The following PRKACB variants were observed in gnomAD, a reference collection of about 807,000 sequenced individuals.
PRKACB encodes the protein protein kinase cAMP-activated catalytic subunit beta, also known as cAMP-dependent protein kinase catalytic subunit beta.
In PRKACB, 16 loss-of-function variants were observed where a neutral mutation model predicts 51.4. The ratio of observed to expected loss-of-function variants is 0.31; its 90% confidence interval spans 0.21 to 0.47. The LOEUF is 0.47. PRKACB is among the 20% of genes least tolerant of loss of function. The pLI, the probability that PRKACB is intolerant of heterozygous loss-of-function variation, is 1.00. For missense variants in PRKACB, 309 were observed against 464.5 expected (o/e 0.67, Z 3.08); for synonymous variants, 147 against 154.4 (o/e 0.95, Z 0.35).
chr1:84,085,215 A>T (rs1022269360), intron 1 of PRKACB, among the ~76,000 whole-genome samples: 1 of 152,228 alleles, frequency 6.6e-6, no homozygotes, highest in Non-Finnish European at 1.5e-5. Context: ...TGGAAAGAAC[A>T]TGTAAAATAT....
chr1:84,172,472 C>G (rs1378035676), intron 1 of PRKACB, among the ~76,000 whole-genome samples: 1 of 151,468 alleles, frequency 6.6e-6, no homozygotes, highest in Non-Finnish European at 1.5e-5. Flanking sequence ...GCATGGATGG[C>G]CTACAAAATC....
chr1:84,099,771 A>G (rs1649192125), intron 1 of PRKACB, among the ~76,000 whole-genome samples: 1 of 151,806 alleles, frequency 6.6e-6, no homozygotes, highest in Admixed American at 6.6e-5. Flanking sequence ...TTTGCAAAAT[A>G]GAAATAGTTT....
chr1:84,205,306 A>G (rs1671170920), intron 8 of PRKACB: 3 of 963,102 alleles, frequency 3.1e-6, no homozygotes, highest in African/African-American at 3.5e-5. Flanking sequence ...AATTCAAACT[A>G]GAATGTGTCT....
intron 9 of PRKACB, among the ~76,000 whole-genome samples, chr1:84,230,253 C>T (rs1230370031): frequency 4.6e-5 from 7 of 150,774 alleles, no homozygotes; most frequent in Non-Finnish European, 8.9e-5. Context: ...AGATATGTGG[C>T]ATTATTTCTG....
chr1:84,236,218 T>G lies in PRKACB; in HGVS notation c.*913T>G, dbSNP rs180770222. On this transcript the variant is annotated 3_prime_UTR_variant, in exon 10 of 10. Transcript: ENST00000370685. ...ACAAATTTTAAATTTTCTCTAATAG[T>G]CCTCATCATAAACTTTTTAAAGGAA... is the stretch of plus-strand genomic sequence containing the variant. The G allele has an allele frequency of 2.0e-5, 3 of 152,744 alleles. No individual in the cohort carries two copies. Among genetic ancestry groups the G allele is most frequent in the East Asian group, 3.9e-4 (2 of 5,192 alleles). The allele number at this position is 152,744 out of a possible 1,614,324, so 9.5% of individuals were successfully genotyped here. A position where few individuals can be genotyped will look rare whatever the true frequency, so the allele number is the denominator to read the frequency against.
chr1:84,135,266 C>G (rs527915124), intron 1 of PRKACB, among the ~76,000 whole-genome samples: 2 of 152,206 alleles, frequency 1.3e-5, no homozygotes, highest in South Asian at 4.2e-4. Context: ...AACAAAGTAT[C>G]AAAATACTTG....
chr1:84,087,211 T>C (rs1351676717), intron 1 of PRKACB, among the ~76,000 whole-genome samples: 1 of 152,230 alleles, frequency 6.6e-6, no homozygotes, highest in Non-Finnish European at 1.5e-5. Context: ...GGAAGTCTAT[T>C]CTGTGTGAAT....
chr1:84,118,576 C>T (rs1343376726), intron 1 of PRKACB, among the ~76,000 whole-genome samples: 1 of 152,046 alleles, frequency 6.6e-6, no homozygotes, highest in Non-Finnish European at 1.5e-5. Flanking sequence ...AAACAGCCAT[C>T]ATTCTCTTTG....
chr1:84,080,839 A>T (rs777685009), intron 1 of PRKACB, among the ~76,000 whole-genome samples: 1 of 151,176 alleles, frequency 6.6e-6, no homozygotes, highest in Non-Finnish European at 1.5e-5. Context: ...CAGAGTAAGG[A>T]ATAGAGTCTG....
intron 1 of PRKACB, among the ~76,000 whole-genome samples, chr1:84,177,516 A>C (rs533121144): frequency 1.2e-4 from 18 of 152,140 alleles, no homozygotes; most frequent in South Asian, 6.2e-4. Context: ...TGAGCCAGAA[A>C]GTTCACTTGA....
chr1:84,099,353 C>A (rs944396170), intron 1 of PRKACB, among the ~76,000 whole-genome samples: 2 of 139,040 alleles, frequency 1.4e-5, no homozygotes, highest in African/African-American at 5.1e-5. Context: ...GTTGTATAGT[C>A]GAAGACATAG....
chr1:84,101,468 C>A (rs1444639564), intron 1 of PRKACB, among the ~76,000 whole-genome samples: 1 of 152,114 alleles, frequency 6.6e-6, no homozygotes, highest in Non-Finnish European at 1.5e-5. Context: ...CATATTTTTT[C>A]CTTAAGCCCT....
chr1:84,109,983 C>T (rs563169111), intron 1 of PRKACB, among the ~76,000 whole-genome samples: 1 of 151,688 alleles, frequency 6.6e-6, no homozygotes, highest in African/African-American at 2.4e-5. Context: ...CCTTTGGTAT[C>T]ATGCTTTAAA....
At chr1:84,144,205 G>A, upstream of PRKACB, 3 of 1,376,640 alleles carry the variant, frequency 2.2e-6, no homozygotes, top group South Asian at 1.6e-5. Context: ...GTAATGTGCT[G>A]TTTTATATTA....
intron 1 of PRKACB, among the ~76,000 whole-genome samples, chr1:84,157,155 T>G (rs553981158): frequency 4.1e-4 from 62 of 152,304 alleles, no homozygotes; most frequent in African/African-American, 1.5e-3. Context: ...TTTCATTTTT[T>G]TATGCAGATC....
At chr1:84,132,285 T>C (rs1054619486) in intron 1 of PRKACB, among the ~76,000 whole-genome samples, 7 of 42,988 alleles carry the variant, frequency 1.6e-4, no homozygotes, top group African/African-American at 3.1e-4. Context: ...AATGGACTCT[T>C]TTTCTGAGGA....
chr1:84,184,932 A>T (rs1363125593), intron 4 of PRKACB, among the ~76,000 whole-genome samples, 168 bp from the exon 5 acceptor site: 1 of 151,972 alleles, frequency 6.6e-6, no homozygotes, highest in African/African-American at 2.4e-5. Context: ...GGGGAAAAAT[A>T]TGAGTGTCTC....
In PRKACB at chr1:84,169,299, G is replaced by A. The variant is rs76882772; in HGVS notation, c.188-9878G>A. 6.9e-3 allele frequency among the ~76,000 whole-genome samples: 1,049 copies of A among 151,656 alleles called. 6 individuals carry two copies. The highest frequency in any genetic ancestry group is 0.011 in the Non-Finnish European group (757 of 67,728). On this transcript the variant is annotated intron_variant, in intron 1 of 9. Coordinates refer to ENST00000370685, the MANE Select transcript of PRKACB (RefSeq NM_182948.4). ...TGTTAATTCTTAAAATTTCAAGTGA[G>A]CATGGAGTTAGTGAACTAAGACATG...
intron 1 of PRKACB, among the ~76,000 whole-genome samples, chr1:84,121,771 T>C (rs2100887733): frequency 6.6e-6 from 1 of 152,300 alleles, no homozygotes; most frequent in South Asian, 2.1e-4. Context: ...GTAAACCTGC[T>C]GTGGCCCTCA....
Sources: allele counts gnomAD v4.1 joint callset (sites outside exome capture counted in the v4.1 genomes callset), GRCh38; gene constraint gnomAD v4.1.1; transcripts MANE v1.5; gene names NCBI Gene and HGNC (gene_info 2026-07-23, HGNC 2026-07-21).